The following RHBDD1 variants were observed in gnomAD, a reference collection of about 807,000 sequenced individuals.
RHBDD1 encodes the protein rhomboid domain containing 1, also known as rhomboid-related protein 4.
RHBDD1 carries 38 observed loss-of-function variants against 36.3 expected under a neutral mutation model. The observed-to-expected ratio is 1.05, with a 90% CI of 0.81 to 1.37. RHBDD1 has a LOEUF of 1.37. Ranked by LOEUF, RHBDD1 falls within the 40% of genes most tolerant of loss-of-function variation. RHBDD1 has a pLI of 0.00. For synonymous variants in RHBDD1, 151 were observed against 136.5 expected, an observed-to-expected ratio of 1.11 and a Z score of -0.74; for missense variants, 393 against 377.6, an observed-to-expected ratio of 1.04 and a Z score of -0.34.
At chr2:226,888,838 C>T (rs1429160805) in intron 5 of RHBDD1, among the ~76,000 whole-genome samples, 5 of 152,086 alleles carry the variant, frequency 3.3e-5, no homozygotes, top group African/African-American at 7.2e-5. Context: ...GTGTTAGTCA[C>T]GATCAGGAGT....
chr2:226,918,825 T>C (rs1949102339), intron 8 of RHBDD1, among the ~76,000 whole-genome samples: 1 of 152,106 alleles, frequency 6.6e-6, no homozygotes, highest in Non-Finnish European at 1.5e-5. Context: ...TTTGGGCATA[T>C]ACCTAGCAGT....
intron 8 of RHBDD1, among the ~76,000 whole-genome samples, chr2:226,969,478 ATG>A (rs1163373087): frequency 1.3e-5 from 2 of 150,040 alleles, no homozygotes; most frequent in Non-Finnish European, 2.9e-5. Flanking sequence ...TTTATTATAA[ATG>A]TGTTGAATAC....
At chr2:226,824,080 C>T in the RHBDD1 span, among the ~76,000 whole-genome samples, 2 of 152,118 alleles carry the variant, frequency 1.3e-5, no homozygotes, top group Non-Finnish European at 2.9e-5. Context: ...GATATACCTA[C>T]ATACACGTTT....
chr2:226,823,852 G>C, the RHBDD1 span, among the ~76,000 whole-genome samples: 2 of 152,146 alleles, frequency 1.3e-5, no homozygotes, highest in African/African-American at 4.8e-5. Context: ...CATCACATGG[G>C]CAAGAGACGG....
At chr2:226,988,449 GA>G in intron 8 of RHBDD1, 1 of 1,549,560 alleles carries the variant, frequency 6.5e-7, no homozygotes, top group African/African-American at 1.4e-5. Context: ...TGGACCTAAG[GA>G]ATCCTTTGAG....
At chr2:226,860,889 GT>G (rs1209918961) in intron 3 of RHBDD1, among the ~76,000 whole-genome samples, 11 of 152,118 alleles carry the variant, frequency 7.2e-5, no homozygotes, top group African/African-American at 2.2e-4. Context: ...TTGATTTCCT[GT>G]GGACAATATT....
At chr2:226,838,887 G>T (rs1941304793) in intron 2 of RHBDD1, among the ~76,000 whole-genome samples, 1 of 152,110 alleles carries the variant, frequency 6.6e-6, no homozygotes, top group South Asian at 2.1e-4. Context: ...TTTACAGCAA[G>T]GTAAACATCC....
intron 5 of RHBDD1, among the ~76,000 whole-genome samples, chr2:226,899,504 T>C (rs1947417763): frequency 6.6e-6 from 1 of 152,136 alleles, no homozygotes; most frequent in African/African-American, 2.4e-5. Flanking sequence ...ATTTTCAGAA[T>C]TGTAAAAGCA....
chr2:226,969,418 G>T (rs1270772848), intron 8 of RHBDD1, among the ~76,000 whole-genome samples: 2 of 71,780 alleles, frequency 2.8e-5, no homozygotes, highest in African/African-American at 1.1e-4. Flanking sequence ...TTTTTTTAAG[G>T]AAGTAGACCT....
At chr2:226,907,735 T>C (rs561398741) in intron 6 of RHBDD1, among the ~76,000 whole-genome samples, 1 of 152,330 alleles carries the variant, frequency 6.6e-6, no homozygotes, top group East Asian at 1.9e-4. Context: ...GTGTTCACTT[T>C]TGGTTGATTT....
intron 8 of RHBDD1, among the ~76,000 whole-genome samples, chr2:226,968,274 G>A (rs1952796869): frequency 6.6e-6 from 1 of 152,188 alleles, no homozygotes; most frequent in Non-Finnish European, 1.5e-5. Flanking sequence ...TATATTAAGA[G>A]CTATTATTGC....
rs552215696 is a variant in RHBDD1, at chr2:226,905,993, C to T, written c.567-800C>T. Among the ~76,000 whole-genome samples the T allele has an allele frequency of 5.7e-3, 849 of 150,214 alleles. 9 individuals are homozygous for T. The highest frequency in any genetic ancestry group is 0.01 in the Middle Eastern group (3 of 290). On this transcript the variant is annotated intron_variant, in intron 5 of 8. Transcript: ENST00000392062. The stretch of plus-strand genomic sequence containing the variant: ...AGGACCCCCCCCTTTGTGGTAACAG[C>T]AGAGGTTTTTGAGAATCGCCAGTAA...
chr2:226,869,507 T>A (rs1486166941), intron 5 of RHBDD1, among the ~76,000 whole-genome samples: 1 of 152,200 alleles, frequency 6.6e-6, no homozygotes, highest in East Asian at 1.9e-4. Flanking sequence ...TGTAAATCTT[T>A]AGAACAAAGC....
At chr2:226,973,815 TGTGAGC>T (rs1393951054) in intron 8 of RHBDD1, among the ~76,000 whole-genome samples, 2 of 152,356 alleles carry the variant, frequency 1.3e-5, no homozygotes, top group East Asian at 3.9e-4. Context: ...GCAGCATTCC[TGTGAGC>T]GTTAGAACAA....
chr2:226,995,278 G>A (rs1489687946), intron 8 of RHBDD1, among the ~76,000 whole-genome samples, 153 bp from the exon 9 acceptor site: 1 of 152,144 alleles, frequency 6.6e-6, no homozygotes, highest in Non-Finnish European at 1.5e-5. Flanking sequence ...ATTTAGTACT[G>A]ACAGCTGAAG....
the RHBDD1 span, among the ~76,000 whole-genome samples, chr2:226,826,442 C>T: frequency 8.1e-4 from 123 of 151,924 alleles, no homozygotes; most frequent in African/African-American, 2.9e-3. Flanking sequence ...CTTGCAAATG[C>T]ATTGCTCCTA....
intron 3 of RHBDD1, among the ~76,000 whole-genome samples, chr2:226,843,329 G>A (rs1941877070): frequency 6.6e-6 from 1 of 152,126 alleles, no homozygotes; most frequent in Non-Finnish European, 1.5e-5. Context: ...GGTGGGAGAG[G>A]GCATCCTTGT....
intron 3 of RHBDD1, among the ~76,000 whole-genome samples, chr2:226,858,260 GATATAGCATTA>G (rs958222610): frequency 6.6e-6 from 1 of 152,164 alleles, no homozygotes. Context: ...TAGTGCTAAT[GATATAGCATTA>G]ATATATCTCA....
chr2:226,946,798 A>G (rs1283528400), intron 8 of RHBDD1, among the ~76,000 whole-genome samples: 1 of 152,230 alleles, frequency 6.6e-6, no homozygotes, highest in East Asian at 1.9e-4. Flanking sequence ...ATCAGGAAGA[A>G]GTCGAATCCC....
Sources: allele counts gnomAD v4.1 joint callset (sites outside exome capture counted in the v4.1 genomes callset), GRCh38; gene constraint gnomAD v4.1.1; transcripts MANE v1.5; gene names NCBI Gene and HGNC (gene_info 2026-07-23, HGNC 2026-07-21).